Variants in ACLY observed in about 807,000 individuals in gnomAD.
ACLY encodes the protein ATP citrate lyase.
A neutral mutation model predicts 133.0 loss-of-function variants in ACLY; 41 were observed. That is an observed-to-expected ratio of 0.31 (90% CI 0.24 to 0.40). ACLY has a LOEUF of 0.40. Among genes scored for constraint, ACLY ranks in the 10% least tolerant of loss-of-function variants. ACLY has a pLI of 1.00. For synonymous variants in ACLY, 495 were observed against 549.3 expected (o/e 0.90, Z 1.38); for missense variants, 1,046 against 1,453.8 (o/e 0.72, Z 4.56).
At chr17:41,882,047 G>A (rs2048930228) in intron 20 of ACLY, among the ~76,000 whole-genome samples, 1 of 151,930 alleles carries the variant, frequency 6.6e-6, no homozygotes, top group African/African-American at 2.4e-5. Context: ...GATATGCCAT[G>A]CTGACAGTCC....
At chr17:41,913,597 AGCT>A in intron 2 of ACLY, 115 bp downstream of exon 2, 1 of 1,111,218 alleles carries the variant, frequency 9.0e-7, no homozygotes, top group Non-Finnish European at 1.3e-6. Context: ...TGCTTCCCAC[AGCT>A]GCTGCTGGCA....
intron 18 of ACLY, among the ~76,000 whole-genome samples, chr17:41,884,512 A>T (rs2048999702): frequency 6.6e-6 from 1 of 152,244 alleles, no homozygotes; most frequent in African/African-American, 2.4e-5. Context: ...GACTGGGCAC[A>T]AAATAAGCCC....
chr17:41,910,318 G>A (rs1392792812), intron 3 of ACLY, 34 bp from the exon 4 acceptor site: 44 of 1,596,610 alleles, frequency 2.8e-5, no homozygotes, highest in Non-Finnish European at 3.3e-5. Flanking sequence ...AAACTCAGAG[G>A]GACAGCACGT....
At chr17:41,869,208 C>T (rs781911307) in intron 26 of ACLY, 83 bp from the exon 27 acceptor site, 241 of 1,207,424 alleles carry the variant, frequency 2.0e-4, no homozygotes, top group Non-Finnish European at 2.6e-4. Context: ...ACTATTACTA[C>T]GAATTGTGAC....
chr17:41,910,259 T>C lies in ACLY; in HGVS notation c.308A>G (p.Lys103Arg), dbSNP rs1555633432. ...GACGAAGGGCTCGATCAGAAAGTTC[T>C]TGAGGAAGCCTGTGGCCTTGCCAAC... ...ATVGKATGFL[K>R]NFLIEPFVPH... Residue 103 changes from lysine to arginine, a missense_variant, in exon 4 of 29, where the codon AAG becomes AGG. Physicochemically the swap from Lys to Arg is conservative, Grantham distance 26. Transcript: ENST00000352035. The C allele has an allele frequency of 4.3e-6, 7 of 1,613,902 alleles. No homozygotes were observed. Among genetic ancestry groups the C allele is most frequent in the Non-Finnish European group, 5.9e-6 (7 of 1,179,940 alleles).
At chr17:41,878,264 A>G (rs990102756) in intron 21 of ACLY, 68 bp from the exon 22 acceptor site, 2 of 1,083,408 alleles carry the variant, frequency 1.8e-6, no homozygotes, top group Non-Finnish European at 2.6e-6. Context: ...AGACATCCCA[A>G]GAATGCTCTA....
intron 1 of ACLY, among the ~76,000 whole-genome samples, chr17:41,914,527 A>G (rs1242943555): frequency 6.6e-6 from 1 of 152,094 alleles, no homozygotes; most frequent in Non-Finnish European, 1.5e-5. Flanking sequence ...GGGAGGGGGG[A>G]GGATCATCGC....
chr17:41,871,931 T>A, intron 24 of ACLY, 99 bp from the exon 25 acceptor site: 4 of 1,593,564 alleles, frequency 2.5e-6, no homozygotes, highest in Non-Finnish European at 3.4e-6. Flanking sequence ...AGCACTGGGT[T>A]TTACACTCAG....
chr17:41,892,256 C>A (rs1555629476), intron 16 of ACLY, 23 bp downstream of exon 16: 2 of 284,154 alleles, frequency 7.0e-6, no homozygotes, highest in South Asian at 1.2e-4. Flanking sequence ...CCACCCCCCA[C>A]CCTCCAGAGC....
intron 20 of ACLY, among the ~76,000 whole-genome samples, chr17:41,879,858 G>A (rs2048870765): frequency 6.6e-6 from 1 of 151,368 alleles, no homozygotes; most frequent in Admixed American, 6.6e-5. Context: ...TGGGACTACA[G>A]GCGTATGCCA....
intron 1 of ACLY, among the ~76,000 whole-genome samples, chr17:41,916,540 A>G (rs1169789737): frequency 1.3e-5 from 2 of 151,008 alleles, no homozygotes; most frequent in Admixed American, 6.6e-5. Context: ...CGCCCATCTA[A>G]TTTTTTTTGT....
At chr17:41,887,764 G>C (rs2049094742) in intron 16 of ACLY, 61 bp from the exon 17 acceptor site, 1 of 1,448,092 alleles carries the variant, frequency 6.9e-7, no homozygotes, top group African/African-American at 1.4e-5. Context: ...CAACAAGACA[G>C]CACCGTTTAA....
At chr17:41,888,308 C>A (rs1555628638) in intron 16 of ACLY, among the ~76,000 whole-genome samples, 1 of 152,120 alleles carries the variant, frequency 6.6e-6, no homozygotes, top group Admixed American at 6.5e-5. Flanking sequence ...TTTCGGAAGC[C>A]CTGCTACAGT....
At chr17:41,876,078 TGAG>T (rs36034413) in intron 22 of ACLY, among the ~76,000 whole-genome samples, 14,560 of 147,756 alleles carry the variant, frequency 0.099, 831 homozygotes, top group Non-Finnish European at 0.12. Flanking sequence ...GATGTGGGGA[TGAG>T]GAGATCCTCT....
At chr17:41,889,516 C>T (rs1413432116) in intron 16 of ACLY, among the ~76,000 whole-genome samples, 1 of 15,362 alleles carries the variant, frequency 6.5e-5, no homozygotes, top group Non-Finnish European at 1.4e-4. Flanking sequence ...GAGAAAGGCT[C>T]CATTTCACAA....
intron 1 of ACLY, among the ~76,000 whole-genome samples, chr17:41,928,715 T>C (rs940551796): frequency 2.6e-5 from 4 of 151,954 alleles, no homozygotes; most frequent in Admixed American, 1.3e-4. Flanking sequence ...TAGCTGGGCA[T>C]GGTGGTGTGC....
chr17:41,906,419 TG>T (rs2049719972), intron 8 of ACLY, 108 bp downstream of exon 8: 2 of 936,668 alleles, frequency 2.1e-6, no homozygotes, highest in Non-Finnish European at 3.4e-6. Flanking sequence ...TGCTTTCCTC[TG>T]CCCCAAATTC....
At chr17:41,893,441 G>A (rs9899285) in intron 14 of ACLY, among the ~76,000 whole-genome samples, 14,217 of 152,262 alleles carry the variant, frequency 0.093, 729 homozygotes, top group Middle Eastern at 0.16. Context: ...GGAGAAAGAA[G>A]GGCCCCACAG....
At chr17:41,892,022 C>T (rs2049226363) in intron 16 of ACLY, among the ~76,000 whole-genome samples, 2 of 152,100 alleles carry the variant, frequency 1.3e-5, no homozygotes, top group African/African-American at 2.4e-5. Context: ...TCTTTGTAAG[C>T]CCAGATAAGC....
Sources: gnomAD v4.1 joint callset for allele counts (sites outside exome capture counted in the v4.1 genomes callset) on GRCh38, gnomAD v4.1.1 for gene constraint, MANE v1.5 for transcripts, NCBI Gene and HGNC (gene_info 2026-07-23, HGNC 2026-07-21) for gene names.